The following DPP6 variants were observed in gnomAD, a reference collection of about 807,000 sequenced individuals.
DPP6 encodes the protein A-type potassium channel modulatory protein DPP6.
DPP6 carries 69 observed loss-of-function variants against 122.6 expected under a neutral mutation model. The observed-to-expected ratio is 0.56, with a 90% CI of 0.46 to 0.69. DPP6 has a LOEUF of 0.69. Among genes scored for constraint, DPP6 ranks in the 30% least tolerant of loss-of-function variants. The pLI, the probability that DPP6 is intolerant of heterozygous loss-of-function variation, is 0.00. For missense variants in DPP6, 928 were observed against 1,116.9 expected (o/e 0.83, Z 2.41); for synonymous variants, 418 against 433.1 (o/e 0.97, Z 0.43).
At chr7:154,695,847 A>G (rs1168896638) in intron 7 of DPP6, among the ~76,000 whole-genome samples, 6 of 152,168 alleles carry the variant, frequency 3.9e-5, no homozygotes, top group Non-Finnish European at 8.8e-5. Context: ...AGGAGACCTC[A>G]ATGGGCACTG....
At chr7:154,179,925 C>T (rs1229234543) in intron 1 of DPP6, among the ~76,000 whole-genome samples, 1 of 152,078 alleles carries the variant, frequency 6.6e-6, no homozygotes, top group Non-Finnish European at 1.5e-5. Flanking sequence ...CTAAAAATGA[C>T]CGACAATTCT....
At chr7:154,267,340 C>T (rs2150926620) in intron 1 of DPP6, among the ~76,000 whole-genome samples, 1 of 125,024 alleles carries the variant, frequency 8.0e-6, no homozygotes, top group East Asian at 2.4e-4. Context: ...TATATATTTA[C>T]AATAAAATTA....
chr7:154,822,309 C>T (rs1033888733), intron 16 of DPP6, among the ~76,000 whole-genome samples: 5 of 152,128 alleles, frequency 3.3e-5, no homozygotes, highest in African/African-American at 1.2e-4. Context: ...GTGGGAAGCC[C>T]AAGGCCAAGG....
At chr7:154,724,568 G>A (rs1337261513) in intron 7 of DPP6, among the ~76,000 whole-genome samples, 3 of 152,158 alleles carry the variant, frequency 2.0e-5, no homozygotes, top group East Asian at 3.9e-4. Context: ...TAAACATGTT[G>A]CCTCCTACTC....
intron 1 of DPP6, among the ~76,000 whole-genome samples, chr7:154,380,804 G>T (rs974619412): frequency 2.0e-5 from 3 of 152,208 alleles, no homozygotes; most frequent in Non-Finnish European, 2.9e-5. Flanking sequence ...GTGAGTGCAT[G>T]CCAGAGGCCA....
chr7:153,924,609 G>T (rs1004201133), intron 1 of DPP6, among the ~76,000 whole-genome samples: 4 of 152,178 alleles, frequency 2.6e-5, no homozygotes, highest in South Asian at 2.1e-4. Flanking sequence ...CTGGGAATGT[G>T]GATCTGCTTT....
At chr7:153,889,890 C>A (rs1185463434) in intron 1 of DPP6, among the ~76,000 whole-genome samples, 1 of 152,248 alleles carries the variant, frequency 6.6e-6, no homozygotes, top group East Asian at 1.9e-4. Flanking sequence ...TATGGCTCCA[C>A]AGCCTGCTGT....
intron 3 of DPP6, 125 bp downstream of exon 3, chr7:154,475,162 G>T: frequency 1.3e-6 from 1 of 745,142 alleles, no homozygotes; most frequent in Non-Finnish European, 2.4e-6. Flanking sequence ...GATCTACAGA[G>T]CTTTTGCTGT....
chr7:154,699,884 G>T (rs910619055), intron 7 of DPP6, among the ~76,000 whole-genome samples: 2 of 152,166 alleles, frequency 1.3e-5, no homozygotes, highest in Admixed American at 1.3e-4. Context: ...GTGTTCTGAC[G>T]AGGGGAGTCT....
intron 1 of DPP6, among the ~76,000 whole-genome samples, chr7:154,228,993 A>G (rs917053392): frequency 3.9e-5 from 6 of 152,200 alleles, no homozygotes; most frequent in African/African-American, 1.4e-4. Flanking sequence ...TAAAACTCTC[A>G]CAAAATTGCC....
chr7:154,500,787 G>A (rs1825173086), intron 3 of DPP6, among the ~76,000 whole-genome samples: 1 of 152,214 alleles, frequency 6.6e-6, no homozygotes, highest in Non-Finnish European at 1.5e-5. Flanking sequence ...CAGTAGAGTG[G>A]GGCACTGCTG....
intron 5 of DPP6, among the ~76,000 whole-genome samples, chr7:154,617,949 G>A (rs1295707875): frequency 3.3e-5 from 5 of 151,864 alleles, no homozygotes; most frequent in Non-Finnish European, 7.4e-5. Context: ...AGAAGGGAGA[G>A]GGACTTCATA....
intron 1 of DPP6, among the ~76,000 whole-genome samples, chr7:154,019,078 T>A (rs946891040): frequency 1.2e-4 from 19 of 152,336 alleles, no homozygotes; most frequent in Admixed American, 4.6e-4. Flanking sequence ...TTGCTATCTG[T>A]GATGCATCTA....
At chr7:154,430,498 C>T (rs984164385) in intron 1 of DPP6, among the ~76,000 whole-genome samples, 1 of 152,154 alleles carries the variant, frequency 6.6e-6, no homozygotes, top group African/African-American at 2.4e-5. Context: ...TCTTGAGTCT[C>T]CTTAGAAGGG....
chr7:154,432,525 C>T (rs946265485), intron 1 of DPP6, among the ~76,000 whole-genome samples: 6 of 152,060 alleles, frequency 3.9e-5, no homozygotes, highest in South Asian at 2.1e-4. Flanking sequence ...TAGGGGTTTT[C>T]GGGGGGAAAC....
chr7:154,383,843 T>C (rs1463036538), intron 1 of DPP6, among the ~76,000 whole-genome samples: 4 of 147,302 alleles, frequency 2.7e-5, no homozygotes, highest in East Asian at 4.0e-4. Context: ...TGAGCCAAGA[T>C]TGTGCCACTG....
chr7:153,773,480 C>T, the DPP6 span, among the ~76,000 whole-genome samples: 20 of 151,234 alleles, frequency 1.3e-4, no homozygotes, highest in Admixed American at 2.6e-4. Context: ...ATAAACCTCA[C>T]CAAATCTGAA....
chr7:154,781,364 T>A (rs879459038), intron 10 of DPP6, among the ~76,000 whole-genome samples: 2 of 152,204 alleles, frequency 1.3e-5, no homozygotes, highest in Non-Finnish European at 2.9e-5. Context: ...TAAGGCGCGT[T>A]CTCTGTGACC....
At chr7:153,792,869 T>G in the DPP6 span, among the ~76,000 whole-genome samples, 1 of 152,196 alleles carries the variant, frequency 6.6e-6, no homozygotes, top group Admixed American at 6.5e-5. Flanking sequence ...CTCATGATAA[T>G]GAATAAGTCT....
Sources: gnomAD v4.1 joint callset for allele counts (sites outside exome capture counted in the v4.1 genomes callset) on GRCh38, gnomAD v4.1.1 for gene constraint, MANE v1.5 for transcripts, NCBI Gene and HGNC (gene_info 2026-07-23, HGNC 2026-07-21) for gene names.